GOLM2: variants seen among roughly 807,000 people sequenced by gnomAD.
The protein encoded by GOLM2 is golgi membrane protein 2.
GOLM2 carries 26 observed loss-of-function variants against 55.9 expected under a neutral mutation model. That is an observed-to-expected ratio of 0.47 (90% confidence interval 0.34 to 0.65). The LOEUF (loss-of-function observed/expected upper bound fraction) is 0.65, where lower values mean the gene tolerates loss of function less well. GOLM2 is among the 30% of genes least tolerant of loss of function. GOLM2 has a pLI of 0.01. For synonymous variants in GOLM2, 165 were observed against 194.6 expected, an observed-to-expected ratio of 0.85 and a Z score of 1.27; for missense variants, 486 against 531.8, an observed-to-expected ratio of 0.91 and a Z score of 0.85.
At chr15:44,315,049 C>T (rs770778019) in intron 1 of GOLM2, among the ~76,000 whole-genome samples, 12 of 152,310 alleles carry the variant, frequency 7.9e-5, no homozygotes, top group Non-Finnish European at 1.8e-4. Flanking sequence ...AACCTGGCTG[C>T]TTATCAGAAT....
chr15:44,384,495 C>G (rs1165048783), intron 8 of GOLM2, among the ~76,000 whole-genome samples: 1 of 151,984 alleles, frequency 6.6e-6, no homozygotes, highest in Non-Finnish European at 1.5e-5. Flanking sequence ...GCCTGTAATC[C>G]CAGCACTTTG....
At chr15:44,409,275 C>A (rs1356120946) in intron 9 of GOLM2, among the ~76,000 whole-genome samples, 1 of 146,918 alleles carries the variant, frequency 6.8e-6, no homozygotes, top group African/African-American at 2.6e-5. Flanking sequence ...CAGAGCAAGA[C>A]TCCGTCTCAA....
rs1373767070 is a variant in GOLM2 at position 44,357,007 on chromosome 15, T to TA, written c.802+18697dup. The stretch of plus-strand genomic sequence containing the variant: ...GCAACATGGCAAAAACCCATCTCTA[T>TA]AAAAAAATACAAAAACTAGCCAGGT... On this transcript the variant is annotated intron_variant, in intron 6 of 9. Coordinates refer to ENST00000299957, the MANE Select transcript of GOLM2 (RefSeq NM_138423.4). Among the ~76,000 whole-genome samples the TA allele has an allele frequency of 1.3e-5, 2 of 151,798 alleles. 1 individual carries two copies. Among genetic ancestry groups the TA allele is most frequent in the Admixed American group, 1.3e-4 (2 of 15,226 alleles).
At chr15:44,359,401 C>A (rs2141169569) in intron 6 of GOLM2, among the ~76,000 whole-genome samples, 1 of 151,952 alleles carries the variant, frequency 6.6e-6, no homozygotes, top group East Asian at 1.9e-4. Context: ...TCCTGGCCAA[C>A]ACAGTGAAAC....
chr15:44,365,662 A>G (rs201351178), intron 6 of GOLM2, among the ~76,000 whole-genome samples: 1 of 152,224 alleles, frequency 6.6e-6, no homozygotes, highest in South Asian at 2.1e-4. Context: ...CAATTAAAAA[A>G]TTAGTAGTTG....
intron 9 of GOLM2, among the ~76,000 whole-genome samples, chr15:44,410,496 G>C (rs1293630018): frequency 6.6e-6 from 1 of 152,062 alleles, no homozygotes; most frequent in African/African-American, 2.4e-5. Flanking sequence ...TGTATATAAA[G>C]TAAAAGTGTG....
chr15:44,292,785 A>C (rs1374850144), intron 1 of GOLM2, among the ~76,000 whole-genome samples: 1 of 151,900 alleles, frequency 6.6e-6, no homozygotes, highest in Admixed American at 6.6e-5. Flanking sequence ...TTTTAAACTT[A>C]ACAGTTTTTC....
chr15:44,297,088 A>G (rs2078761336), intron 1 of GOLM2, among the ~76,000 whole-genome samples: 2 of 152,154 alleles, frequency 1.3e-5, no homozygotes, highest in South Asian at 4.1e-4. Flanking sequence ...CTGAGGTTAG[A>G]AATTTGGTGT....
rs773533315 is a variant in GOLM2 at position 44,364,251 on chromosome 15, T to C, written c.803-15439T>C. Among the ~76,000 whole-genome samples, 36 of 152,110 alleles carry C rather than the reference T, an allele frequency of 2.4e-4. 1 individual carries two copies. The highest frequency in any genetic ancestry group is 6.2e-4 in the South Asian group (3 of 4,824). ...TAACACTTAGAAAACAAGCTCGGTA[T>C]GGTGGCTCACATCTGTAATCTCAGC... On this transcript the variant is annotated intron_variant, in intron 6 of 9. Transcript: ENST00000299957.
chr15:44,353,654 G>C (rs1207345865), intron 6 of GOLM2, among the ~76,000 whole-genome samples: 1 of 152,106 alleles, frequency 6.6e-6, no homozygotes, highest in Non-Finnish European at 1.5e-5. Context: ...TGGTCATTAT[G>C]TTAGGTGAAA....
intron 1 of GOLM2, among the ~76,000 whole-genome samples, chr15:44,311,126 C>A (rs1330985264): frequency 1.3e-5 from 2 of 152,152 alleles, no homozygotes; most frequent in Non-Finnish European, 2.9e-5. Flanking sequence ...ACTTTCCATA[C>A]CAAATCCTGC....
At chr15:44,373,893 G>C (rs547476062) in intron 6 of GOLM2, among the ~76,000 whole-genome samples, 8 of 152,244 alleles carry the variant, frequency 5.3e-5, no homozygotes, top group African/African-American at 1.9e-4. Flanking sequence ...TTGAGGTCAG[G>C]AATTCGAGAC....
At chr15:44,368,350 C>A (rs2141181822) in intron 6 of GOLM2, among the ~76,000 whole-genome samples, 1 of 147,742 alleles carries the variant, frequency 6.8e-6, no homozygotes, top group East Asian at 2.0e-4. Context: ...CGGGGTTTCA[C>A]CATGTTGGTC....
At chr15:44,369,114 T>TATATAC (rs2079310819) in intron 6 of GOLM2, among the ~76,000 whole-genome samples, 1 of 100,570 alleles carries the variant, frequency 9.9e-6, no homozygotes, top group East Asian at 2.9e-4. Context: ...TATATATATA[T>TATATAC]ATACCCGGCT....
At chr15:44,351,271 C>T (rs939547638) in intron 6 of GOLM2, among the ~76,000 whole-genome samples, 11 of 151,976 alleles carry the variant, frequency 7.2e-5, no homozygotes, top group African/African-American at 2.2e-4. Flanking sequence ...CTAGCTAGAG[C>T]AATCAGACGA....
At chr15:44,344,031 G>A (rs1370394664) in intron 6 of GOLM2, among the ~76,000 whole-genome samples, 1 of 151,620 alleles carries the variant, frequency 6.6e-6, no homozygotes, top group Non-Finnish European at 1.5e-5. Context: ...AGGCTGAGGC[G>A]GGAGGGTCGC....
At position 44,289,596 on chromosome 15, in the gene GOLM2, A is replaced by T. The variant is rs2078706111; in HGVS notation, c.327+240A>T. ...TGGTTCTCAAGAGTGGACTGTGTGC[A>T]GATGCTGCCTATTCTCTAAGCTCAG... On this transcript the variant is annotated intron_variant, in intron 1 of 9. Transcript: ENST00000299957. This position sits in a 1 kb window ranked among gnomAD's most constrained non-coding sequence, Gnocchi z 4.8. 1.3e-5 allele frequency among the ~76,000 whole-genome samples: 2 copies of T among 152,198 alleles called. No individual in the cohort carries two copies. Among genetic ancestry groups the T allele is most frequent in the African/African-American group, 2.4e-5 (1 of 41,454 alleles).
chr15:44,393,923 C>A (rs925095180), intron 8 of GOLM2, among the ~76,000 whole-genome samples: 5 of 152,100 alleles, frequency 3.3e-5, no homozygotes, highest in Non-Finnish European at 5.9e-5. Context: ...AAACTCCTGA[C>A]CTCAAGTGAT....
chr15:44,348,559 A>C (rs1178085800), intron 6 of GOLM2: 2 of 152,204 alleles, frequency 1.3e-5, no homozygotes, highest in Non-Finnish European at 2.9e-5. Flanking sequence ...GTTCCCAGAC[A>C]TCATCTCTGA....
Sources: allele counts gnomAD v4.1 joint callset (sites outside exome capture counted in the v4.1 genomes callset), GRCh38; gene constraint gnomAD v4.1.1; non-coding constraint Gnocchi (gnomAD v3.1); transcripts MANE v1.5; gene names NCBI Gene and HGNC (gene_info 2026-07-23, HGNC 2026-07-21).